KRT71: variants seen among roughly 807,000 people sequenced by gnomAD.
The protein encoded by KRT71 is keratin 71, also known as keratin, type II cytoskeletal 71.
Under a neutral mutation model 46.2 loss-of-function variants are expected in KRT71, and 42 were observed. The ratio of observed to expected loss-of-function variants is 0.91; its 90% confidence interval spans 0.71 to 1.18. KRT71 has a LOEUF of 1.18. KRT71 is among the 50% of genes most tolerant of loss of function. The probability of loss-of-function intolerance (pLI) is 0.00; values close to 1 mark genes in which losing one functional copy is unlikely to be tolerated. For missense variants in KRT71, 708 were observed against 677.9 expected (o/e 1.04, Z -0.49); for synonymous variants, 292 against 277.8 (o/e 1.05, Z -0.51).
At chr12:52,550,415 G>A (rs1565602566) in intron 1 of KRT71, among the ~76,000 whole-genome samples, 172 bp from the exon 2 acceptor site, 4 of 152,196 alleles carry the variant, frequency 2.6e-5, no homozygotes, top group Admixed American at 1.3e-4. Flanking sequence ...GAGCAACTTC[G>A]GCTGTTTCCA....
Position 52,547,847 on chromosome 12 carries a change from G to A in KRT71, c.1104+10C>T, listed in dbSNP as rs768056285. On this transcript the variant is annotated intron_variant, in intron 6 of 8. Coordinates refer to ENST00000267119, the MANE Select transcript of KRT71 (RefSeq NM_033448.3). ...CACTTGACCACAGGCCAAGGCCAACGTGCTCTCACCTGCTTCTTCACGTTC... is the reference window on the plus strand; with the variant it reads ...CACTTGACCACAGGCCAAGGCCAACATGCTCTCACCTGCTTCTTCACGTTC... 17 of 1,613,492 alleles carry A rather than the reference G, an allele frequency of 1.1e-5. No individual in the cohort carries two copies. The highest frequency in any genetic ancestry group is 3.3e-4 in the Middle Eastern group (2 of 6,080).
At chr12:52,552,013 C>T (rs1939179680) in intron 1 of KRT71, among the ~76,000 whole-genome samples, 1 of 152,184 alleles carries the variant, frequency 6.6e-6, no homozygotes, top group African/African-American at 2.4e-5. Context: ...CTGACAACAA[C>T]CCCAAGACAG....
intron 1 of KRT71, among the ~76,000 whole-genome samples, chr12:52,552,435 T>C (rs1939188002): frequency 6.6e-6 from 1 of 152,220 alleles, no homozygotes; most frequent in Non-Finnish European, 1.5e-5. Context: ...CCAGTAGAAA[T>C]TGACCTGCCT....
At chr12:52,544,783 A>T in intron 8 of KRT71, 40 bp from the exon 9 acceptor site, 1 of 1,552,492 alleles carries the variant, frequency 6.4e-7, no homozygotes, top group Non-Finnish European at 8.7e-7. Context: ...TCAGGCAGAG[A>T]GCTGGGGAGG....
chr12:52,550,287 G>A (rs775598596), intron 1 of KRT71, 44 bp from the exon 2 acceptor site: 2 of 1,605,512 alleles, frequency 1.2e-6, no homozygotes, highest in South Asian at 1.1e-5. Flanking sequence ...TGCAGTAATA[G>A]TCACACGTGT....
rs941911527 is a variant in KRT71 at position 52,546,604 on chromosome 12, G to A, written c.1105-98C>T. The A allele has an allele frequency of 6.0e-6, 7 of 1,173,528 alleles. No individual in the cohort carries two copies. In the African/African-American group the frequency reaches 6.1e-5, roughly 10 times the overall value. 72.7% of individuals were successfully genotyped at this position (1,173,528 alleles called of 1,614,324 possible). A position where few individuals can be genotyped will look rare whatever the true frequency, so the allele number is the denominator to read the frequency against. On this transcript the variant is annotated intron_variant, in intron 6 of 8. Transcript: ENST00000267119. ...TCCTTAGAGTGGGGCAGAGTGGCCC[G>A]CCTCCACCCTACACACACCATCACA...
Position 52,544,244 on chromosome 12 carries a change from A to C in KRT71, c.*288T>G. The C allele has an allele frequency of 2.0e-5, 10 of 499,586 alleles. No homozygotes were observed. Among genetic ancestry groups the C allele is most frequent in the East Asian group, 3.7e-5 (1 of 27,292 alleles). The allele number at this position is 499,586 out of a possible 1,614,324, so 30.9% of individuals were successfully genotyped here. ...TTAGCGACTGCGCTAGAGGCCGGGCAGAGGAGGAAAGCTGGCAGCCAGGAC... is the reference window on the plus strand; with the variant it reads ...TTAGCGACTGCGCTAGAGGCCGGGCCGAGGAGGAAAGCTGGCAGCCAGGAC... On this transcript the variant is annotated 3_prime_UTR_variant, in exon 9 of 9. Transcript: ENST00000267119.
At chr12:52,549,438 G>T in intron 2 of KRT71, 85 bp from the exon 3 acceptor site, 2 of 1,145,200 alleles carry the variant, frequency 1.7e-6, no homozygotes, top group Non-Finnish European at 2.6e-6. Flanking sequence ...GGAGCAGCGT[G>T]TCCATCAGAA....
Position 52,549,367 on chromosome 12 carries a change from G to A in KRT71, c.657-14C>T, listed in dbSNP as rs752503214. The A allele has an allele frequency of 9.3e-6, 15 of 1,608,936 alleles. No individual in the cohort carries two copies. Among genetic ancestry groups the A allele is most frequent in the South Asian group, 7.7e-5 (7 of 91,010 alleles). On this transcript the variant is annotated splice_polypyrimidine_tract_variant and intron_variant, in intron 2 of 8. Coordinates refer to ENST00000267119, the MANE Select transcript of KRT71 (RefSeq NM_033448.3). ...TCCTCCTCATACCTGTGGGAATGGC[G>A]AGGGCTCATTGGTTAATATCTCACT...
rs1486225971 is a variant in KRT71 at position 52,549,922 on chromosome 12, C to T, written c.656+107G>A. 3.9e-6 allele frequency: 5 copies of T among 1,298,514 alleles called. No individual in the cohort carries two copies. The East Asian group carries it at 7.0e-5, about 18-fold the overall frequency. The allele number at this position is 1,298,514 out of a possible 1,614,324, so 80.4% of individuals were successfully genotyped here. ...TGATTCTGCTTGATATGACCAAGAACAATGCCCTCCACTGACCTCCAAAGC... is the reference window on the plus strand; with the variant it reads ...TGATTCTGCTTGATATGACCAAGAATAATGCCCTCCACTGACCTCCAAAGC... On this transcript the variant is annotated intron_variant, in intron 2 of 8. Transcript: ENST00000267119.
At chr12:52,548,818 C>A in intron 3 of KRT71, 22 bp from the exon 4 acceptor site, 1 of 1,607,996 alleles carries the variant, frequency 6.2e-7, no homozygotes. Flanking sequence ...CCCCACCATC[C>A]CCTGTCACTG....
chr12:52,552,583 C>T, intron 1 of KRT71, 54 bp downstream of exon 1: 2 of 1,526,448 alleles, frequency 1.3e-6, no homozygotes, highest in South Asian at 1.3e-5. Flanking sequence ...TCGTATGTTC[C>T]AAGAAGAGAA....
At chr12:52,550,334 T>G in intron 1 of KRT71, 91 bp from the exon 2 acceptor site, 2 of 1,467,946 alleles carry the variant, frequency 1.4e-6, no homozygotes, top group Non-Finnish European at 1.9e-6. Flanking sequence ...CTATCTGCAT[T>G]TTCTCCTCAA....
rs771868547 is a variant in KRT71 at position 52,552,636 on chromosome 12, C to A, written c.441+1G>T. ...AGTTCCCCAGGCCCTAGAAGACCCA[C>A]CTTGTCGATGAAGGAGGCGAACTTG... On this transcript the variant is annotated splice_donor_variant, in intron 1 of 8. Transcript: ENST00000267119. LOFTEE classifies it high-confidence loss of function. 1.9e-6 allele frequency: 3 copies of A among 1,608,338 alleles called. No individual in the cohort carries two copies. The highest frequency in any genetic ancestry group is 2.7e-5 in the African/African-American group (2 of 74,798).
chr12:52,549,260 G>A, intron 3 of KRT71, 33 bp downstream of exon 3: 1 of 1,567,252 alleles, frequency 6.4e-7, no homozygotes, highest in Non-Finnish European at 8.8e-7. Flanking sequence ...TCCCAGGCCA[G>A]CCCCCGGGAC....
chr12:52,546,471 C>A lies in KRT71; in HGVS notation c.1140G>T (p.Glu380Asp), dbSNP rs774784859. Reference sequence around the variant, plus strand: ...CCTTCAGGGCGTTGTCTCCCCGCTGCTCAGCATCAGCGATGGCTGTCTCCA... The same window carrying A: ...CCTTCAGGGCGTTGTCTCCCCGCTGATCAGCATCAGCGATGGCTGTCTCCA... Reference protein sequence around the residue: ...SNLETAIADAEQRGDNALKDA... With the variant: ...SNLETAIADADQRGDNALKDA... The change falls in exon 7 of 9, where the codon GAG (glutamate) becomes GAT (aspartate). Residue 380 changes from glutamate to aspartate, a missense_variant. Transcript: ENST00000267119. The A allele has an allele frequency of 8.7e-6, 14 of 1,614,068 alleles. No homozygotes were observed. The African/African-American group carries it at 1.9e-4, about 22-fold the overall frequency.
At position 52,544,515 on chromosome 12, in the gene KRT71, G is replaced by A. The variant is rs373273246; in HGVS notation, c.*17C>T. ...GAGCCGGGTCATGGAATGAGGCGGG[G>A]CCCGGGGCAGTCTTCTCTACCGACT... On this transcript the variant is annotated 3_prime_UTR_variant, in exon 9 of 9. Coordinates refer to ENST00000267119, the MANE Select transcript of KRT71 (RefSeq NM_033448.3). 2.5e-6 allele frequency: 4 copies of A among 1,608,290 alleles called. No homozygotes were observed. Among genetic ancestry groups the A allele is most frequent in the East Asian group, 2.2e-5 (1 of 44,844 alleles).
chr12:52,547,333 C>T (rs1038414567), intron 6 of KRT71, among the ~76,000 whole-genome samples: 18 of 152,228 alleles, frequency 1.2e-4, no homozygotes, highest in African/African-American at 4.1e-4. Context: ...CACCTACAAG[C>T]CGAGGCTGCA....
Position 52,548,843 on chromosome 12 carries a change from A to G in KRT71, c.718-47T>C, listed in dbSNP as rs3803084. The G allele has an allele frequency of 0.029, 44,565 of 1,546,932 alleles. 8,594 individuals carry two copies. The East Asian group carries it at 0.53, about 18-fold the overall frequency. On this transcript the variant is annotated intron_variant, in intron 3 of 8. Transcript: ENST00000267119. ...CCCTGTCACTGCTGGTACAGCCAAA[A>G]AGGCAGCAGCCATCCCTGCCTGGGT...
Sources: gnomAD v4.1 joint callset for allele counts (sites outside exome capture counted in the v4.1 genomes callset) on GRCh38, gnomAD v4.1.1 for gene constraint, MANE v1.5 for transcripts, NCBI Gene and HGNC (gene_info 2026-07-23, HGNC 2026-07-21) for gene names.